Variants in NR2F1-AS1 observed in about 807,000 individuals in gnomAD.
NR2F1-AS1 encodes NR2F1 antisense RNA 1.
intron 4 of NR2F1-AS1, among the ~76,000 whole-genome samples, chr5:93,456,478 T>C (rs1490337734): frequency 6.6e-6 from 1 of 152,218 alleles, no homozygotes; most frequent in Non-Finnish European, 1.5e-5. Flanking sequence ...ACTATGTTTA[T>C]GGATCAGAAG....
chr5:93,565,144 T>C (rs905345156), intron 1 of NR2F1-AS1, among the ~76,000 whole-genome samples: 34 of 152,352 alleles, frequency 2.2e-4, no homozygotes, highest in African/African-American at 7.5e-4. Context: ...TTCCCTGCCC[T>C]GTGACTTATT....
chr5:93,517,430 C>CT (rs530111171), intron 4 of NR2F1-AS1, among the ~76,000 whole-genome samples: 175 of 151,916 alleles, frequency 1.2e-3, no homozygotes, highest in Non-Finnish European at 2.2e-3. Context: ...CTAATCAAAA[C>CT]TTTTTTTTAA....
intron 4 of NR2F1-AS1, chr5:93,543,527 T>C (rs2149907299): frequency 6.6e-6 from 1 of 151,722 alleles, no homozygotes; most frequent in South Asian, 2.1e-4. Context: ...ACTAGTGAAC[T>C]GGAGGGCAGA....
At chr5:93,515,765 A>G (rs762139251) in intron 4 of NR2F1-AS1, among the ~76,000 whole-genome samples, 4 of 151,918 alleles carry the variant, frequency 2.6e-5, no homozygotes, top group Admixed American at 6.6e-5. Flanking sequence ...GAATAGAGAT[A>G]ATGCCAGAAG....
chr5:93,438,067 T>C (rs1353898959), intron 4 of NR2F1-AS1, among the ~76,000 whole-genome samples: 3 of 152,154 alleles, frequency 2.0e-5, no homozygotes, highest in Non-Finnish European at 4.4e-5. Flanking sequence ...AGGACAATGA[T>C]TTTGGGCAAG....
intron 4 of NR2F1-AS1, among the ~76,000 whole-genome samples, chr5:93,499,482 T>C (rs1414995659): frequency 3.9e-5 from 6 of 152,174 alleles, no homozygotes; most frequent in Non-Finnish European, 5.9e-5. Context: ...TGATCAGTGA[T>C]CTTTGATGTT....
intron 1 of NR2F1-AS1, among the ~76,000 whole-genome samples, chr5:93,566,461 T>C (rs1353639083): frequency 6.6e-6 from 1 of 152,008 alleles, no homozygotes; most frequent in Non-Finnish European, 1.5e-5. Context: ...GAGAAACAAA[T>C]AGATGTGTAT....
At chr5:93,434,451 T>C (rs1413161202) in intron 4 of NR2F1-AS1, among the ~76,000 whole-genome samples, 1 of 152,214 alleles carries the variant, frequency 6.6e-6, no homozygotes, top group Non-Finnish European at 1.5e-5. Flanking sequence ...TCATTCTTTC[T>C]TGCCCTTCCC....
chr5:93,459,056 G>A (rs1013066581), intron 4 of NR2F1-AS1, among the ~76,000 whole-genome samples: 1 of 151,988 alleles, frequency 6.6e-6, no homozygotes, highest in African/African-American at 2.4e-5. Flanking sequence ...CACAGAGTGG[G>A]AGAAAATATT....
At chr5:93,442,875 C>T (rs1235832335) in intron 4 of NR2F1-AS1, among the ~76,000 whole-genome samples, 4 of 152,184 alleles carry the variant, frequency 2.6e-5, no homozygotes, top group East Asian at 1.9e-4. Flanking sequence ...CAACATTTGC[C>T]GTTTTGCAAT....
At chr5:93,585,103 C>G, upstream of NR2F1-AS1, 3 of 992,638 alleles carry the variant, frequency 3.0e-6, no homozygotes, top group Non-Finnish European at 1.2e-6. Context: ...AACCCCGCAG[C>G]GCAGGCGGCC....
At chr5:93,491,187 C>T (rs990381953) in intron 4 of NR2F1-AS1, among the ~76,000 whole-genome samples, 11 of 139,198 alleles carry the variant, frequency 7.9e-5, no homozygotes, top group African/African-American at 3.0e-4. Context: ...GTGGTGGTGG[C>T]AGTGGTGGTG....
At chr5:93,501,987 C>T (rs1461291419) in intron 4 of NR2F1-AS1, among the ~76,000 whole-genome samples, 7 of 152,186 alleles carry the variant, frequency 4.6e-5, no homozygotes, top group Non-Finnish European at 1.0e-4. Context: ...GCCATCAACA[C>T]TGAGGAAAGA....
upstream of NR2F1-AS1, among the ~76,000 whole-genome samples, chr5:93,581,537 G>A (rs1561518671): frequency 1.3e-5 from 2 of 151,966 alleles, no homozygotes; most frequent in Admixed American, 6.5e-5. Context: ...GTGCCGCCCG[G>A]GAGCGGCTCC....
intron 4 of NR2F1-AS1, among the ~76,000 whole-genome samples, chr5:93,444,637 T>G (rs183309918): frequency 2.2e-4 from 33 of 152,280 alleles, no homozygotes; most frequent in African/African-American, 7.5e-4. Flanking sequence ...ATTAGACAGA[T>G]CAATGAGACA....
chr5:93,523,110 C>A (rs1751537339), intron 4 of NR2F1-AS1, among the ~76,000 whole-genome samples: 1 of 152,172 alleles, frequency 6.6e-6, no homozygotes, highest in Non-Finnish European at 1.5e-5. Context: ...GAAATTGTTG[C>A]TCTGCCAGCA....
chr5:93,543,390 T>C (rs1005699617), intron 4 of NR2F1-AS1: 1 of 151,878 alleles, frequency 6.6e-6, no homozygotes, highest in Admixed American at 6.6e-5. Context: ...GATAGGAAAC[T>C]ACAAAAAAAA....
chr5:93,583,049 C>G (rs923915069), upstream of NR2F1-AS1, among the ~76,000 whole-genome samples: 2 of 152,136 alleles, frequency 1.3e-5, no homozygotes, highest in African/African-American at 2.4e-5. Context: ...TTCTCTCCCC[C>G]CGATTCAGGG....
intron 4 of NR2F1-AS1, among the ~76,000 whole-genome samples, chr5:93,552,813 C>T (rs997478743): frequency 1.3e-5 from 2 of 152,032 alleles, no homozygotes; most frequent in African/African-American, 2.4e-5. Context: ...AAGTTACTTA[C>T]ACATACACAC....
Sources: gnomAD v4.1 joint callset for allele counts (sites outside exome capture counted in the v4.1 genomes callset) on GRCh38, gnomAD v4.1.1 for gene constraint, MANE v1.5 for transcripts, NCBI Gene and HGNC (gene_info 2026-07-23, HGNC 2026-07-21) for gene names.